Variants in DGKK observed in about 807,000 individuals in gnomAD.
DGKK encodes diacylglycerol kinase kappa.
A neutral mutation model predicts 92.2 loss-of-function variants in DGKK; 35 were observed. The ratio of observed to expected loss-of-function variants is 0.38; its 90% CI spans 0.29 to 0.50. The LOEUF is 0.50. Among genes scored for constraint, DGKK ranks in the 20% least tolerant of loss-of-function variants. The pLI is 0.92. For missense variants in DGKK, 910 were observed against 992.2 expected (o/e 0.92, Z 1.11); for synonymous variants, 368 against 360.6 (o/e 1.02, Z -0.23).
rs782561867 is a variant in DGKK at position 50,386,408 on chromosome X, G to A, written c.2297C>T (p.Ala766Val). The A allele has an allele frequency of 1.7e-6, 2 of 1,210,769 alleles. No individual in the cohort carries two copies. The highest frequency in any genetic ancestry group is 2.2e-6 in the Non-Finnish European group (2 of 894,960). The change falls in exon 15 of 28, where the codon GCC becomes GTC. Residue 766 changes from alanine (A) to valine (V), a missense_variant. Coordinates refer to ENST00000611977, the MANE Select transcript of DGKK (RefSeq NM_001013742.4). ...TTTCAAGGATTTCTGGAGACTCTGG[G>A]CCTTTGTAGCCAGCTCCAACTTGCA... ...AKCKLELATK[A>V]QSLQKSLKLI...
At chrX:50,441,079 G>A (rs1557231256) in intron 1 of DGKK, among the ~76,000 whole-genome samples, 1 of 111,212 alleles carries the variant, frequency 9.0e-6, no homozygotes, top group Non-Finnish European at 1.9e-5. Context: ...CTAGAGACAT[G>A]GTGAAACTCT....
chrX:50,458,964 T>C (rs146170652), intron 1 of DGKK, among the ~76,000 whole-genome samples: 1,995 of 111,566 alleles, frequency 0.018, 55 homozygotes, highest in African/African-American at 0.062. Context: ...ATATTGTTCC[T>C]ACGTTCCTCA....
At chrX:50,387,682 T>A (rs782240383) in intron 13 of DGKK, 29 bp from the exon 14 acceptor site, 1 of 1,060,051 alleles carries the variant, frequency 9.4e-7, no homozygotes, top group South Asian at 1.9e-5. Flanking sequence ...TGGCACAATG[T>A]TACATGAACC....
At chrX:50,369,491 C>T (rs191484277) in intron 27 of DGKK, among the ~76,000 whole-genome samples, 37 of 107,073 alleles carry the variant, frequency 3.5e-4, no homozygotes, top group African/African-American at 1.1e-3. Context: ...TCCTTCCGTC[C>T]TTTCTTTATT....
intron 17 of DGKK, among the ~76,000 whole-genome samples, chrX:50,383,795 C>A (rs1924469462): frequency 8.9e-6 from 1 of 111,969 alleles, no homozygotes; most frequent in Non-Finnish European, 1.9e-5. Context: ...TATCTTCAAC[C>A]ATTTACTGTT....
intron 4 of DGKK, among the ~76,000 whole-genome samples, chrX:50,419,797 G>A (rs1393740821): frequency 8.9e-6 from 1 of 111,915 alleles, no homozygotes; most frequent in Non-Finnish European, 1.9e-5. Context: ...ACTGCAGGGA[G>A]CAGTGGCCAG....
At chrX:50,455,264 A>C (rs2147150306) in intron 1 of DGKK, among the ~76,000 whole-genome samples, 1 of 112,076 alleles carries the variant, frequency 8.9e-6, no homozygotes, top group Non-Finnish European at 1.9e-5. Context: ...TTTTCAGAGC[A>C]AATTTTATAA....
intron 23 of DGKK, 145 bp from the exon 24 acceptor site, chrX:50,376,310 C>T (rs1047071679): frequency 3.6e-6 from 2 of 549,607 alleles, no homozygotes; most frequent in Non-Finnish European, 5.7e-6. Context: ...TATTTCTGCT[C>T]TTCTCTAGGT....
intron 1 of DGKK, among the ~76,000 whole-genome samples, chrX:50,437,818 C>T (rs1168185149): frequency 1.8e-5 from 2 of 111,295 alleles, no homozygotes; most frequent in African/African-American, 6.5e-5. Flanking sequence ...CTTATTTTCC[C>T]ATCAATGACA....
chrX:50,393,101 GA>G, intron 9 of DGKK, 50 bp downstream of exon 9: 1 of 1,028,076 alleles, frequency 9.7e-7, no homozygotes. Flanking sequence ...AGAATGTATA[GA>G]AGGAAGACTC....
intron 1 of DGKK, among the ~76,000 whole-genome samples, chrX:50,427,951 T>G (rs917122744): frequency 9.0e-6 from 1 of 110,852 alleles, no homozygotes; most frequent in Non-Finnish European, 1.9e-5. Flanking sequence ...GGCATAAGTA[T>G]GTGGAATATT....
chrX:50,384,725 C>T lies in DGKK; in HGVS notation c.2447G>A (p.Arg816Gln), dbSNP rs782545441. The T allele has an allele frequency of 1.1e-5, 13 of 1,205,923 alleles. No homozygotes were observed. The highest frequency in any genetic ancestry group is 7.0e-5 in the African/African-American group (4 of 57,081). Residue 816 changes from arginine to glutamine, a missense_variant, in exon 16 of 28, where the codon CGA (arginine) becomes CAA (glutamine). Physicochemically the swap from Arg to Gln is conservative, Grantham distance 43. Coordinates refer to ENST00000611977, the MANE Select transcript of DGKK (RefSeq NM_001013742.4). ...DPEDINQTSPRRRSRRGTLSS... is the reference protein window; with the variant it reads ...DPEDINQTSPQRRSRRGTLSS... ...GAAGACAGAAAGATCCTTACGGCGTCGTGGGCTTGTCTGGTTAATATCTTC... is the reference window on the plus strand; with the variant it reads ...GAAGACAGAAAGATCCTTACGGCGTTGTGGGCTTGTCTGGTTAATATCTTC...
chrX:50,419,070 A>G (rs1925507355), intron 4 of DGKK, among the ~76,000 whole-genome samples: 1 of 111,558 alleles, frequency 9.0e-6, no homozygotes, highest in Non-Finnish European at 1.9e-5. Flanking sequence ...TAGTGGCCTC[A>G]TTGATTGGGG....
intron 12 of DGKK, among the ~76,000 whole-genome samples, chrX:50,389,565 G>A (rs782719331): frequency 5.4e-5 from 6 of 111,669 alleles, no homozygotes; most frequent in Non-Finnish European, 1.1e-4. Context: ...TTTCATCAAT[G>A]TAGAAATTTT....
At chrX:50,435,255 TCA>T (rs1166757447) in intron 1 of DGKK, among the ~76,000 whole-genome samples, 1 of 112,324 alleles carries the variant, frequency 8.9e-6, no homozygotes, top group Non-Finnish European at 1.9e-5. Flanking sequence ...ACAGAGAAAC[TCA>T]ATTTTGGTGA....
At chrX:50,401,381 C>T (rs1925001542) in intron 7 of DGKK, among the ~76,000 whole-genome samples, 1 of 110,916 alleles carries the variant, frequency 9.0e-6, no homozygotes, top group African/African-American at 3.3e-5. Context: ...CAGAAGATAC[C>T]CACCTACAGG....
chrX:50,460,274 C>T (rs1416208947), intron 1 of DGKK, among the ~76,000 whole-genome samples: 2 of 111,622 alleles, frequency 1.8e-5, no homozygotes, highest in African/African-American at 6.5e-5. Context: ...CTGCAAAATC[C>T]CAGAAGAGAA....
At chrX:50,375,995 C>G in intron 24 of DGKK, 29 bp downstream of exon 24, 3 of 1,198,834 alleles carry the variant, frequency 2.5e-6, no homozygotes, top group Non-Finnish European at 3.4e-6. Flanking sequence ...GGTTTGACTC[C>G]TTTCCTTAAT....
At chrX:50,406,320 G>T (rs912674821) in intron 4 of DGKK, among the ~76,000 whole-genome samples, 4 of 112,210 alleles carry the variant, frequency 3.6e-5, no homozygotes, top group African/African-American at 1.3e-4. Context: ...GTAAGAAAAA[G>T]TTGATGCTTC....
Sources: gnomAD v4.1 joint callset for allele counts (sites outside exome capture counted in the v4.1 genomes callset) on GRCh38, gnomAD v4.1.1 for gene constraint, MANE v1.5 for transcripts, NCBI Gene and HGNC (gene_info 2026-07-23, HGNC 2026-07-21) for gene names.